ADGRV1: variants seen among roughly 807,000 people sequenced by gnomAD.
ADGRV1 encodes the protein adhesion G protein-coupled receptor V1, also known as G-protein coupled receptor 98.
In ADGRV1, 359 loss-of-function variants were observed where a neutral mutation model predicts 596.2. The ratio of observed to expected loss-of-function variants is 0.60; its 90% CI spans 0.55 to 0.66. ADGRV1 has a LOEUF of 0.66. Ranked by LOEUF, ADGRV1 falls within the 30% of genes least tolerant of loss-of-function variation. ADGRV1 has a pLI of 0.00. For synonymous variants in ADGRV1, 2,681 were observed against 2,679.2 expected (o/e 1.00, Z -0.02); for missense variants, 7,274 against 7,575.6 (o/e 0.96, Z 1.48).
At chr5:90,616,024 A>G (rs960353760) in intron 2 of ADGRV1, among the ~76,000 whole-genome samples, 1 of 151,984 alleles carries the variant, frequency 6.6e-6, no homozygotes, top group Non-Finnish European at 1.5e-5. Flanking sequence ...CATAGGCTGA[A>G]TTACTGTGCT....
intron 1 of ADGRV1, among the ~76,000 whole-genome samples, chr5:90,578,692 A>G (rs1757557824): frequency 6.6e-6 from 1 of 152,226 alleles, no homozygotes; most frequent in Non-Finnish European, 1.5e-5. Context: ...GAATGGTACC[A>G]GTTCCTCTTT....
Position 90,694,668 on chromosome 5 carries a change from A to G in ADGRV1, c.7912A>G (p.Ile2638Val), listed in dbSNP as rs1343480842. Residue 2638 changes from isoleucine (I) to valine (V), a missense_variant, in exon 33 of 90, where the codon ATA (isoleucine) becomes GTA (valine). Physicochemically the swap from Ile to Val is conservative, Grantham distance 29. Transcript: ENST00000405460. ...GGTATEGLDF[I>V]GAGEILTFAE... The stretch of plus-strand genomic sequence containing the variant: ...AACAGCTACTGAAGGTTTAGATTTT[A>G]TAGGTGCTGGAGAGATTCTGACCTT... 2.5e-6 allele frequency: 4 copies of G among 1,607,160 alleles called. No individual in the cohort carries two copies. The highest frequency in any genetic ancestry group is 1.7e-4 in the Middle Eastern group (1 of 6,028).
chr5:90,590,850 G>A (rs535721296), intron 1 of ADGRV1, among the ~76,000 whole-genome samples: 84 of 152,186 alleles, frequency 5.5e-4, no homozygotes, highest in African/African-American at 2.0e-3. Context: ...AATGGCACTT[G>A]TGTGTTTTTT....
chr5:91,028,944 A>T (rs960148506), intron 85 of ADGRV1, among the ~76,000 whole-genome samples: 3 of 151,818 alleles, frequency 2.0e-5, no homozygotes, highest in Non-Finnish European at 4.4e-5. Flanking sequence ...TGCTATGTTG[A>T]CCAGGCTAGC....
chr5:90,669,118 G>A lies in ADGRV1; in HGVS notation c.4753-3428G>A, dbSNP rs891057681. ...CCCATTTTCAGAGGAGACTGTGAAT[G>A]CTTGATAAGTGGTAGAATGAGGAAG... On this transcript the variant is annotated intron_variant, in intron 21 of 89. Coordinates refer to ENST00000405460, the MANE Select transcript of ADGRV1 (RefSeq NM_032119.4). 2.6e-5 allele frequency among the ~76,000 whole-genome samples: 4 copies of A among 152,176 alleles called. No individual in the cohort carries two copies. The East Asian group carries it at 7.7e-4, about 29-fold the overall frequency.
At position 90,810,748 on chromosome 5, in the gene ADGRV1, C is replaced by G; in HGVS notation, c.15488C>G (p.Thr5163Arg). 1 of 1,613,960 alleles carries G rather than the reference C, an allele frequency of 6.2e-7. No homozygotes were observed. The highest frequency in any genetic ancestry group is 8.5e-7 in the Non-Finnish European group (1 of 1,179,894). Residue 5163 changes from threonine (T) to arginine (R), a missense_variant, in exon 74 of 90, where the codon ACA becomes AGA. Transcript: ENST00000405460. ...ACTGAATCCACCACATACCTCAGCA[C>G]AAGCAAGACGACTACCATTCTGCAG... ...VETESTTYLSTSKTTTILQPT... is the reference protein window; with the variant it reads ...VETESTTYLSRSKTTTILQPT...
rs2438357 is a variant in ADGRV1 at position 90,745,408 on chromosome 5, G to A, written c.10769+143G>A. The stretch of plus-strand genomic sequence containing the variant: ...AGCCTGAAATTTGGTTATTATCCAT[G>A]TTTCTAATATCTATTCTATCAAGTT... On this transcript the variant is annotated intron_variant, in intron 51 of 89. Coordinates refer to ENST00000405460, the MANE Select transcript of ADGRV1 (RefSeq NM_032119.4). 297,423 of 703,120 alleles carry A rather than the reference G, an allele frequency of 0.42. 65,565 individuals carry two copies. The highest frequency in any genetic ancestry group is 0.57 in the Admixed American group (18,307 of 32,224). 43.6% of individuals were successfully genotyped at this position (703,120 alleles called of 1,614,324 possible). A position where few individuals can be genotyped will look rare whatever the true frequency, so the allele number is the denominator to read the frequency against.
At chr5:91,046,329 A>G (rs567756117) in intron 85 of ADGRV1, among the ~76,000 whole-genome samples, 20 of 152,332 alleles carry the variant, frequency 1.3e-4, no homozygotes, top group Non-Finnish European at 2.2e-4. Context: ...CACATAGACC[A>G]ATGGAACAGA....
At chr5:90,784,169 T>C in intron 67 of ADGRV1, 112 bp downstream of exon 67, 1 of 712,618 alleles carries the variant, frequency 1.4e-6, no homozygotes. Flanking sequence ...TCAATATTTA[T>C]TAATTATCTT....
Position 90,756,546 on chromosome 5 carries a change from G to A in ADGRV1, c.11673G>A (p.Val3891=), listed in dbSNP as rs1360527411. The A allele has an allele frequency of 1.1e-5, 17 of 1,613,542 alleles. No individual in the cohort carries two copies. The highest frequency in any genetic ancestry group is 1.4e-5 in the Non-Finnish European group (16 of 1,179,514). The change falls in exon 56 of 90, where the codon GTG becomes GTA. Residue 3891 remains valine (V), a synonymous_variant. Transcript: ENST00000405460. The stretch of plus-strand genomic sequence containing the variant: ...ACTTCTCTACAGGACAGCCAAGTGT[G>A]CGGAGGCCCGGAATGGAAATAGCTG... ...NSDFSTGQPS[V]RRPGMEIAEI...
chr5:90,635,445 T>A (rs762865052), intron 10 of ADGRV1, among the ~76,000 whole-genome samples, 155 bp downstream of exon 10: 1 of 152,196 alleles, frequency 6.6e-6, no homozygotes, highest in East Asian at 1.9e-4. Context: ...AGGTAACTGA[T>A]GAGTATGTGA....
intron 1 of ADGRV1, among the ~76,000 whole-genome samples, chr5:90,591,357 C>T (rs1580370629): frequency 6.6e-6 from 1 of 152,040 alleles, no homozygotes; most frequent in Non-Finnish European, 1.5e-5. Context: ...GATCACACCA[C>T]TGCACTCCAG....
intron 54 of ADGRV1, 37 bp downstream of exon 54, chr5:90,753,866 A>G: frequency 6.6e-7 from 1 of 1,509,420 alleles, no homozygotes; most frequent in Non-Finnish European, 8.9e-7. Flanking sequence ...TTTTAATGAG[A>G]AGCTTCATTG....
At chr5:90,682,469 G>A (rs1745068537) in intron 27 of ADGRV1, among the ~76,000 whole-genome samples, 1 of 152,198 alleles carries the variant, frequency 6.6e-6, no homozygotes. Context: ...AACTCTATAT[G>A]ATGTGTGTGT....
intron 4 of ADGRV1, 103 bp from the exon 5 acceptor site, chr5:90,622,494 T>C (rs372102789): frequency 2.3e-6 from 1 of 434,772 alleles, no homozygotes; most frequent in Non-Finnish European, 4.2e-6. Flanking sequence ...CAGTGTGGAT[T>C]GATGTGTCTG....
intron 85 of ADGRV1, among the ~76,000 whole-genome samples, chr5:91,028,019 C>A (rs1484140486): frequency 1.3e-5 from 2 of 148,310 alleles, no homozygotes; most frequent in Non-Finnish European, 3.0e-5. Context: ...CTACTGAGAT[C>A]CAGCTTTTTT....
chr5:90,902,553 A>G (rs912282225), intron 83 of ADGRV1, among the ~76,000 whole-genome samples: 1 of 152,094 alleles, frequency 6.6e-6, no homozygotes, highest in Non-Finnish European at 1.5e-5. Context: ...CCGTGTTTCA[A>G]TATATGCGCA....
At chr5:90,711,473 A>G (rs1749343873) in intron 41 of ADGRV1, among the ~76,000 whole-genome samples, 151 bp downstream of exon 41, 1 of 152,178 alleles carries the variant, frequency 6.6e-6, no homozygotes, top group South Asian at 2.1e-4. Flanking sequence ...AGATTTCCTC[A>G]TGGTAAAATA....
rs763204750 is a variant in ADGRV1 at position 90,684,175 on chromosome 5, C to T, written c.6254C>T (p.Ala2085Val). 9.3e-6 allele frequency: 15 copies of T among 1,612,110 alleles called. No homozygotes were observed. The highest frequency in any genetic ancestry group is 6.7e-5 in the African/African-American group (5 of 74,840). ...GAACTACTCAACTCTACTTTAGTAG[C>T]GAAAGTACAGAGTCGTTCAAGTAAG... ...FIELLNSTLVAKVQSRSIPNS... is the reference protein window; with the variant it reads ...FIELLNSTLVVKVQSRSIPNS... The change falls in exon 28 of 90, where the codon GCG (alanine) becomes GTG (valine). Residue 2085 changes from alanine (A) to valine (V), a missense_variant. Around this residue, in one of 5 missense-constraint regions of ADGRV1, gnomAD observed 3,643 missense variants for 3,809.2 expected, o/e 0.96. Transcript: ENST00000405460.
Sources: gnomAD v4.1 joint callset for allele counts (sites outside exome capture counted in the v4.1 genomes callset) on GRCh38, gnomAD v4.1.1 for gene constraint, gnomAD v4.1.1 regional missense constraint, MANE v1.5 for transcripts, NCBI Gene and HGNC (gene_info 2026-07-23, HGNC 2026-07-21) for gene names.